IL10RB: variants seen among roughly 807,000 people sequenced by gnomAD.
The protein encoded by IL10RB is interleukin 10 receptor subunit beta, also known as interleukin-10 receptor subunit beta.
IL10RB carries 30 observed loss-of-function variants against 38.7 expected under a neutral mutation model. The observed-to-expected ratio is 0.78, with a 90% confidence interval of 0.58 to 1.05. The LOEUF (loss-of-function observed/expected upper bound fraction) is 1.05, where lower values mean the gene tolerates loss of function less well. IL10RB is among the 50% of genes least tolerant of loss of function. The pLI is 0.00. For missense variants in IL10RB, 328 were observed against 397.1 expected (o/e 0.83, Z 1.48); for synonymous variants, 142 against 145.9 (o/e 0.97, Z 0.19).
At chr21:33,279,120 C>A (rs1175027634) in intron 3 of IL10RB, among the ~76,000 whole-genome samples, 1 of 152,118 alleles carries the variant, frequency 6.6e-6, no homozygotes, top group Non-Finnish European at 1.5e-5. Flanking sequence ...AAGACTGAAG[C>A]AAGGCAATAG....
intron 6 of IL10RB, among the ~76,000 whole-genome samples, chr21:33,290,329 G>A (rs1338868216): frequency 6.6e-6 from 1 of 151,956 alleles, no homozygotes; most frequent in Non-Finnish European, 1.5e-5. Context: ...TATATTTGAG[G>A]TTCTGTTGGC....
At chr21:33,295,790 A>G (rs1390106520) in intron 6 of IL10RB, among the ~76,000 whole-genome samples, 2 of 152,142 alleles carry the variant, frequency 1.3e-5, no homozygotes, top group African/African-American at 2.4e-5. Flanking sequence ...CACGCCTGTA[A>G]TCCCAGCACT....
At chr21:33,293,520 C>A (rs1989529874) in intron 6 of IL10RB, among the ~76,000 whole-genome samples, 1 of 152,156 alleles carries the variant, frequency 6.6e-6, no homozygotes, top group Non-Finnish European at 1.5e-5. Context: ...GCGACTAGAA[C>A]CCCCTACAGA....
At chr21:33,268,549 A>T (rs758922009) in intron 2 of IL10RB, 32 bp downstream of exon 2, 2 of 1,501,986 alleles carry the variant, frequency 1.3e-6, no homozygotes, top group Non-Finnish European at 9.3e-7. Flanking sequence ...GCAGGAACGC[A>T]CCGGAGGAGC....
At chr21:33,284,064 G>C (rs925946227) in intron 5 of IL10RB, among the ~76,000 whole-genome samples, 2 of 152,158 alleles carry the variant, frequency 1.3e-5, no homozygotes, top group Non-Finnish European at 2.9e-5. Flanking sequence ...GAGAGGCCGA[G>C]GCGGGCGGAT....
chr21:33,307,572 A>G (rs12483242), intron 1 of IL10RB, among the ~76,000 whole-genome samples: 31,555 of 151,986 alleles, frequency 0.21, 3,376 homozygotes, highest in East Asian at 0.37. Flanking sequence ...TTGGCATTTG[A>G]GGGCCTTTTT....
At chr21:33,283,293 C>T (rs1601833249) in intron 5 of IL10RB, 52 bp downstream of exon 5, 1 of 1,564,330 alleles carries the variant, frequency 6.4e-7, no homozygotes, top group East Asian at 2.2e-5. Flanking sequence ...TTTATAGACA[C>T]CTGCCCTAGA....
intron 6 of IL10RB, among the ~76,000 whole-genome samples, chr21:33,293,335 C>T (rs1250196721): frequency 6.6e-6 from 1 of 152,236 alleles, no homozygotes; most frequent in Admixed American, 6.5e-5. Flanking sequence ...GAGGCAACTG[C>T]CTTCTGGGAA....
At chr21:33,267,083 C>T (rs1601825552) in intron 1 of IL10RB, among the ~76,000 whole-genome samples, 1 of 152,318 alleles carries the variant, frequency 6.6e-6, no homozygotes, top group Admixed American at 6.5e-5. Flanking sequence ...GGCTTCTAAA[C>T]CTAAATCCAT....
At chr21:33,277,673 T>TC (rs1455938400) in intron 3 of IL10RB, among the ~76,000 whole-genome samples, 23 of 139,696 alleles carry the variant, frequency 1.6e-4, no homozygotes, top group Non-Finnish European at 3.4e-4. Flanking sequence ...TCTTTCTTTT[T>TC]TTTTTTTTTT....
At chr21:33,287,619 G>A (rs1253924969) in intron 5 of IL10RB, among the ~76,000 whole-genome samples, 2 of 151,674 alleles carry the variant, frequency 1.3e-5, no homozygotes, top group South Asian at 2.1e-4. Flanking sequence ...CTCCCACCTC[G>A]GCCTCCCAAA....
rs1269749772 is a variant in IL10RB, at chr21:33,288,417, T to C, written c.804+156T>C. 2.0e-5 allele frequency among the ~76,000 whole-genome samples: 3 copies of C among 151,710 alleles called. No homozygotes were observed. In the East Asian group the frequency reaches 5.8e-4, roughly 29 times the overall value. Reference sequence around the variant, plus strand: ...CACACACACACACAGACACGCCTCTTGTGTGCTGGTCCATTCTCTTGTAAC... The same window carrying C: ...CACACACACACACAGACACGCCTCTCGTGTGCTGGTCCATTCTCTTGTAAC... On this transcript the variant is annotated intron_variant, in intron 6 of 6. Coordinates refer to ENST00000290200, the MANE Select transcript of IL10RB (RefSeq NM_000628.5).
intron 2 of IL10RB, among the ~76,000 whole-genome samples, chr21:33,274,950 A>G (rs1728458368): frequency 6.6e-6 from 1 of 152,214 alleles, no homozygotes; most frequent in African/African-American, 2.4e-5. Context: ...ACATCTTAAT[A>G]GAAGGTTGTT....
chr21:33,272,924 G>A (rs942874472), intron 2 of IL10RB, among the ~76,000 whole-genome samples: 4 of 152,200 alleles, frequency 2.6e-5, no homozygotes, highest in African/African-American at 9.7e-5. Context: ...TCCCTTTAGC[G>A]GTTGCTGTCG....
intron 5 of IL10RB, among the ~76,000 whole-genome samples, chr21:33,284,592 G>A (rs938825268): frequency 3.9e-5 from 6 of 152,198 alleles, no homozygotes; most frequent in African/African-American, 1.4e-4. Flanking sequence ...ACGCTGAAAT[G>A]TAATCCCCAG....
intron 1 of IL10RB, among the ~76,000 whole-genome samples, chr21:33,303,819 C>G (rs971251239): frequency 1.3e-5 from 2 of 152,212 alleles, no homozygotes; most frequent in South Asian, 4.1e-4. Flanking sequence ...GGGATACTCC[C>G]GAGGTTGTCA....
At chr21:33,276,201 ATTATC>A (rs1852988900) in intron 2 of IL10RB, among the ~76,000 whole-genome samples, 1 of 152,228 alleles carries the variant, frequency 6.6e-6, no homozygotes, top group Non-Finnish European at 1.5e-5. Context: ...ATACAGTATC[ATTATC>A]TTAGGGCATC....
chr21:33,268,882 C>T (rs1280403415), intron 2 of IL10RB, among the ~76,000 whole-genome samples: 1 of 152,146 alleles, frequency 6.6e-6, no homozygotes, highest in Non-Finnish European at 1.5e-5. Context: ...CTGCTGTCAT[C>T]TCTAGGTATG....
Position 33,266,481 on chromosome 21 carries a change from G to C in IL10RB, c.16G>C (p.Gly6Arg). The part of the protein sequence containing the change: MAWSL[G>R]SWLGGCLLVS... ...GCGTCCGTCCATGGCGTGGAGCCTT[G>C]GGAGCTGGCTGGGTGGCTGCCTGCT... Residue 6 changes from glycine to arginine, a missense_variant, in exon 1 of 7, where the codon GGG becomes CGG. Coordinates refer to ENST00000290200, the MANE Select transcript of IL10RB (RefSeq NM_000628.5). 1 of 1,542,788 alleles carries C rather than the reference G, an allele frequency of 6.5e-7. No homozygotes were observed. Among genetic ancestry groups the C allele is most frequent in the Non-Finnish European group, 8.7e-7 (1 of 1,147,156 alleles).
Sources: gnomAD v4.1 joint callset for allele counts (sites outside exome capture counted in the v4.1 genomes callset) on GRCh38, gnomAD v4.1.1 for gene constraint, MANE v1.5 for transcripts, NCBI Gene and HGNC (gene_info 2026-07-23, HGNC 2026-07-21) for gene names.